Variants in NELL1 observed in about 807,000 individuals in gnomAD.
NELL1 encodes the protein neural EGFL like 1.
A neutral mutation model predicts 107.4 loss-of-function variants in NELL1; 76 were observed. That is an observed-to-expected ratio of 0.71 (90% CI 0.59 to 0.86). The LOEUF is 0.86. Among genes scored for constraint, NELL1 ranks in the 40% least tolerant of loss-of-function variants. The probability of loss-of-function intolerance (pLI) is 0.00; values close to 1 mark genes in which losing one functional copy is unlikely to be tolerated. For synonymous variants in NELL1, 353 were observed against 341.2 expected (o/e 1.03, Z -0.38); for missense variants, 1,024 against 1,005.5 (o/e 1.02, Z -0.25).
intron 2 of NELL1, among the ~76,000 whole-genome samples, chr11:20,684,511 T>A (rs1464884801): frequency 2.6e-5 from 4 of 152,124 alleles, no homozygotes; most frequent in Non-Finnish European, 5.9e-5. Context: ...TGAATACAGT[T>A]CTAATAACTG....
intron 3 of NELL1, among the ~76,000 whole-genome samples, chr11:20,812,912 G>A (rs936052183): frequency 1.1e-4 from 16 of 149,684 alleles, no homozygotes; most frequent in African/African-American, 3.9e-4. Context: ...GGAGGCTGAG[G>A]CAGGAGAATG....
At chr11:21,492,308 T>C (rs1854843239) in intron 15 of NELL1, among the ~76,000 whole-genome samples, 2 of 152,072 alleles carry the variant, frequency 1.3e-5, no homozygotes, top group South Asian at 2.1e-4. Context: ...GACTGTAAAC[T>C]AGTTCAACCA....
chr11:20,739,701 T>C (rs887227844), intron 2 of NELL1, among the ~76,000 whole-genome samples: 9 of 152,200 alleles, frequency 5.9e-5, no homozygotes, highest in African/African-American at 2.2e-4. Flanking sequence ...AATGGACATG[T>C]TCCCGCACTG....
chr11:21,210,627 G>A lies in NELL1; in HGVS notation c.1427-18705G>A, dbSNP rs530673401. On this transcript the variant is annotated intron_variant, in intron 13 of 19. Transcript: ENST00000357134. ...AGTTCTTTATATATTCTAGATTCAA[G>A]TCCCTTTTAAGATACATGATTTGCA... 1.2e-4 allele frequency among the ~76,000 whole-genome samples: 19 copies of A among 152,184 alleles called. No individual in the cohort carries two copies. In the South Asian group the frequency reaches 3.3e-3, roughly 27 times the overall value.
intron 15 of NELL1, among the ~76,000 whole-genome samples, chr11:21,387,142 T>C (rs1851765007): frequency 6.6e-6 from 1 of 151,824 alleles, no homozygotes; most frequent in Non-Finnish European, 1.5e-5. Context: ...TTTTCCTCCA[T>C]ATATATCCAG....
intron 1 of NELL1, among the ~76,000 whole-genome samples, chr11:20,672,548 G>C (rs1246636171): frequency 6.6e-6 from 1 of 152,250 alleles, no homozygotes; most frequent in African/African-American, 2.4e-5. Context: ...GTGGAGTCAA[G>C]ACGGGAGGTG....
In NELL1 at chr11:21,560,310, T is replaced by C. The variant is rs1235900393; in HGVS notation, c.1908T>C (p.His636=). 8.7e-6 allele frequency: 14 copies of C among 1,613,064 alleles called. No homozygotes were observed. Among genetic ancestry groups the C allele is most frequent in the African/African-American group, 1.3e-5 (1 of 74,900 alleles). The change falls in exon 17 of 20, where the codon CAT becomes CAC. Residue 636 remains histidine, a synonymous_variant. Coordinates refer to ENST00000357134, the MANE Select transcript of NELL1 (RefSeq NM_006157.5). The stretch of plus-strand genomic sequence containing the variant: ...CCTCCTGCTCTGGTGACTGTCCTCA[T>C]GAAGGGGGGCTGAAGCACAATGGCC... ...SGPSCSGDCP[H]EGGLKHNGQV...
intron 2 of NELL1, among the ~76,000 whole-genome samples, chr11:20,712,289 C>T (rs1460399422): frequency 1.3e-5 from 2 of 150,630 alleles, no homozygotes; most frequent in South Asian, 4.2e-4. Context: ...GTGTGTCTTT[C>T]ATTTCCAGAA....
At chr11:20,776,330 T>C (rs548527532) in intron 2 of NELL1, among the ~76,000 whole-genome samples, 3 of 151,910 alleles carry the variant, frequency 2.0e-5, no homozygotes, top group Non-Finnish European at 4.4e-5. Flanking sequence ...TCCCAGCTAC[T>C]TGGGAGGCTG....
At chr11:20,727,284 C>T (rs548688115) in intron 2 of NELL1, among the ~76,000 whole-genome samples, 293 of 152,264 alleles carry the variant, frequency 1.9e-3, no homozygotes, top group Non-Finnish European at 3.3e-3. Flanking sequence ...TTAATGATCG[C>T]CATTTTAACT....
At chr11:21,545,304 T>A (rs953581030) in intron 16 of NELL1, among the ~76,000 whole-genome samples, 3 of 151,948 alleles carry the variant, frequency 2.0e-5, no homozygotes, top group Admixed American at 2.0e-4. Flanking sequence ...GACCTCAAAG[T>A]CCCAGAAGCC....
At chr11:21,388,268 T>TGGG (rs1389268515) in intron 15 of NELL1, among the ~76,000 whole-genome samples, 1 of 151,786 alleles carries the variant, frequency 6.6e-6, no homozygotes, top group African/African-American at 2.4e-5. Context: ...CTTTTTGAGC[T>TGGG]GGGCATTTTT....
chr11:21,103,968 T>C (rs1402625199), intron 12 of NELL1, among the ~76,000 whole-genome samples: 1 of 152,226 alleles, frequency 6.6e-6, no homozygotes, highest in Admixed American at 6.5e-5. Context: ...CACATCCCAC[T>C]GACATTTGGA....
intron 14 of NELL1, among the ~76,000 whole-genome samples, chr11:21,267,540 C>G (rs1304974438): frequency 6.6e-6 from 1 of 151,824 alleles, no homozygotes; most frequent in Non-Finnish European, 1.5e-5. Flanking sequence ...TTTGGGAGTT[C>G]TTTGCTTTAT....
In NELL1 at chr11:20,963,807, G is replaced by C. The variant is rs79651442; in HGVS notation, c.1300+3247G>C. 2.4e-3 allele frequency among the ~76,000 whole-genome samples: 358 copies of C among 152,264 alleles called. 2 individuals are homozygous for C. Among genetic ancestry groups the C allele is most frequent in the African/African-American group, 8.2e-3 (340 of 41,568 alleles). Reference sequence around the variant, plus strand: ...ATACGATAAAAACCACAGTGAACAAGACTGGCTTGCAAATTAAAACAAAAT... The same window carrying C: ...ATACGATAAAAACCACAGTGAACAACACTGGCTTGCAAATTAAAACAAAAT... On this transcript the variant is annotated intron_variant, in intron 12 of 19. Coordinates refer to ENST00000357134, the MANE Select transcript of NELL1 (RefSeq NM_006157.5).
intron 3 of NELL1, among the ~76,000 whole-genome samples, chr11:20,792,667 G>C (rs557030479): frequency 3.9e-5 from 6 of 151,932 alleles, no homozygotes; most frequent in Middle Eastern, 3.4e-3. Flanking sequence ...TACATTAATA[G>C]AATCTATAAT....
At chr11:21,019,071 A>T (rs1852637491) in intron 12 of NELL1, among the ~76,000 whole-genome samples, 1 of 152,086 alleles carries the variant, frequency 6.6e-6, no homozygotes, top group African/African-American at 2.4e-5. Context: ...AGTTTGAGAT[A>T]AAAGGGTCTG....
chr11:21,113,816 C>A, intron 13 of NELL1, 102 bp downstream of exon 13: 5 of 1,180,602 alleles, frequency 4.2e-6, no homozygotes, highest in Non-Finnish European at 4.7e-6. Flanking sequence ...CTATTTTTAT[C>A]TAAATAGTTC....
chr11:21,467,259 G>C (rs879718344), intron 15 of NELL1, among the ~76,000 whole-genome samples: 2 of 152,048 alleles, frequency 1.3e-5, no homozygotes, highest in Non-Finnish European at 2.9e-5. Context: ...TTCCTCAGCT[G>C]TAAATTGGAG....
Sources: gnomAD v4.1 joint callset for allele counts (sites outside exome capture counted in the v4.1 genomes callset) on GRCh38, gnomAD v4.1.1 for gene constraint, MANE v1.5 for transcripts, NCBI Gene and HGNC (gene_info 2026-07-23, HGNC 2026-07-21) for gene names.